MTA3: variants seen among roughly 807,000 people sequenced by gnomAD.
MTA3 encodes metastasis associated 1 family member 3, also known as metastasis-associated protein MTA3.
In MTA3, 34 loss-of-function variants were observed where a neutral mutation model predicts 83.5. The observed-to-expected ratio is 0.41, with a 90% CI of 0.31 to 0.54. The LOEUF (loss-of-function observed/expected upper bound fraction) is 0.54. Among genes scored for constraint, MTA3 ranks in the 20% least tolerant of loss-of-function variants. The probability of loss-of-function intolerance (pLI) is 0.33; values close to 1 mark genes in which losing one functional copy is unlikely to be tolerated. For missense variants in MTA3, 761 were observed against 726.4 expected (o/e 1.05, Z -0.55); for synonymous variants, 303 against 252.7 (o/e 1.20, Z -1.89).
intron 16 of MTA3, among the ~76,000 whole-genome samples, chr2:42,739,812 G>A (rs1668891938): frequency 6.6e-6 from 1 of 152,210 alleles, no homozygotes; most frequent in Non-Finnish European, 1.5e-5. Flanking sequence ...GTGTTCAGGA[G>A]TAGTTTCCAT....
chr2:42,515,901 T>C (rs1365208985), intron 2 of MTA3, among the ~76,000 whole-genome samples: 6 of 150,940 alleles, frequency 4.0e-5, no homozygotes, highest in Non-Finnish European at 5.9e-5. Context: ...AGTGCAGTGG[T>C]GCGATCTCGG....
chr2:42,598,842 C>T (rs1682175164), intron 3 of MTA3, among the ~76,000 whole-genome samples: 1 of 152,092 alleles, frequency 6.6e-6, no homozygotes, highest in Non-Finnish European at 1.5e-5. Context: ...GACTGGGCCC[C>T]CTGGAGGACT....
chr2:42,545,412 C>G (rs959592588), intron 2 of MTA3, among the ~76,000 whole-genome samples: 1 of 151,868 alleles, frequency 6.6e-6, no homozygotes, highest in African/African-American at 2.4e-5. Context: ...AAAAAGGAAC[C>G]TAAGAAAACA....
rs963501766 is a variant in MTA3 at position 42,700,866 on chromosome 2, T to C, written c.1025+3032T>C. Among the ~76,000 whole-genome samples the C allele has an allele frequency of 2.6e-5, 4 of 152,292 alleles. No homozygotes were observed. The East Asian group carries it at 5.8e-4, about 22-fold the overall frequency. On this transcript the variant is annotated intron_variant, in intron 11 of 16. Coordinates refer to ENST00000405094, the MANE Select transcript of MTA3 (RefSeq NM_001330442.2). ...CTGTAATCCCAGCAACTTGGGAAGC[T>C]GAGGCAGGAAGACTGCTTGAAGCCA...
At chr2:42,519,741 A>G (rs1675326687) in intron 2 of MTA3, among the ~76,000 whole-genome samples, 1 of 152,154 alleles carries the variant, frequency 6.6e-6, no homozygotes, top group African/African-American at 2.4e-5. Context: ...ATCTGTACAA[A>G]TAAAAATTCT....
At chr2:42,533,031 T>C in intron 2 of MTA3, 1 of 189,276 alleles carries the variant, frequency 5.3e-6, no homozygotes. Context: ...AACAGCATGC[T>C]GGGTGGCATT....
Position 42,722,810 on chromosome 2 carries a change from T to G in MTA3, c.1613-79T>G, listed in dbSNP as rs1667522697. ...TCTCAGCTCATTAAGAAATAAGATG[T>G]GTGCCTATTAGCCAATGTAAATGCA... On this transcript the variant is annotated intron_variant, in intron 15 of 16. Transcript: ENST00000405094. The G allele has an allele frequency of 4.8e-6, 7 of 1,472,848 alleles. No individual in the cohort carries two copies. The Admixed American group carries it at 6.2e-5, about 13-fold the overall frequency. 91.2% of individuals were successfully genotyped at this position (1,472,848 alleles called of 1,614,324 possible).
chr2:42,722,379 C>T (rs911222291), intron 15 of MTA3, among the ~76,000 whole-genome samples: 3 of 152,154 alleles, frequency 2.0e-5, no homozygotes, highest in Admixed American at 1.3e-4. Flanking sequence ...TCATCTATAT[C>T]AAAATGTTCT....
At chr2:42,535,065 C>T (rs1676159869) in intron 2 of MTA3, among the ~76,000 whole-genome samples, 2 of 151,922 alleles carry the variant, frequency 1.3e-5, no homozygotes, top group Admixed American at 1.3e-4. Flanking sequence ...ATATTTCAAG[C>T]AGTAGAAAGG....
intron 4 of MTA3, chr2:42,614,140 C>G (rs893863253): frequency 1.3e-5 from 2 of 152,128 alleles, no homozygotes; most frequent in Non-Finnish European, 2.9e-5. Context: ...TCTTGCTGCC[C>G]AGACTGGAGT....
intron 2 of MTA3, among the ~76,000 whole-genome samples, chr2:42,545,688 G>A (rs1291848389): frequency 6.6e-6 from 1 of 152,172 alleles, no homozygotes; most frequent in Non-Finnish European, 1.5e-5. Flanking sequence ...TTTCAAGAGG[G>A]TTTAAAGTTG....
chr2:42,524,339 T>C (rs1461429492), intron 2 of MTA3, among the ~76,000 whole-genome samples: 1 of 151,832 alleles, frequency 6.6e-6, no homozygotes, highest in Non-Finnish European at 1.5e-5. Flanking sequence ...CTCACCCTGT[T>C]GCCTGGGCTG....
At chr2:42,568,864 G>A (rs1319583070) in intron 1 of MTA3, 91 bp downstream of exon 1, 2 of 1,171,074 alleles carry the variant, frequency 1.7e-6, no homozygotes, top group African/African-American at 1.6e-5. Flanking sequence ...CGGGAGCCAA[G>A]GGCGCCGGGG....
In MTA3 at chr2:42,605,235, C is replaced by A. The variant is rs1391530051; in HGVS notation, c.191-4223C>A. 1.9e-3 allele frequency among the ~76,000 whole-genome samples: 244 copies of A among 127,938 alleles called. 1 individual carries two copies. The highest frequency in any genetic ancestry group is 7.1e-3 in the African/African-American group (238 of 33,746). 83.9% of individuals were successfully genotyped at this position (127,938 alleles called of 152,430 possible). ...GGGGCTGACCCCCCCCACCTCCCTC[C>A]CGGACGGGGCGGCTGGCCGGGCGGG... On this transcript the variant is annotated intron_variant, in intron 3 of 16. Transcript: ENST00000405094.
At chr2:42,656,726 G>T (rs1025621183) in intron 7 of MTA3, among the ~76,000 whole-genome samples, 1 of 152,216 alleles carries the variant, frequency 6.6e-6, no homozygotes, top group African/African-American at 2.4e-5. Context: ...ACTTTGCCTT[G>T]AGAGCTTTCA....
chr2:42,676,308 C>T (rs1691347023), intron 8 of MTA3, among the ~76,000 whole-genome samples: 1 of 152,182 alleles, frequency 6.6e-6, no homozygotes, highest in Non-Finnish European at 1.5e-5. Context: ...CTTTAGGTAA[C>T]AGCCCATCAT....
intron 11 of MTA3, among the ~76,000 whole-genome samples, chr2:42,698,798 A>G (rs1008638089): frequency 6.6e-6 from 1 of 152,202 alleles, no homozygotes; most frequent in Non-Finnish European, 1.5e-5. Flanking sequence ...CTTTTACCAC[A>G]AGACAGATAA....
chr2:42,548,109 A>G (rs974363542), intron 2 of MTA3, among the ~76,000 whole-genome samples: 3 of 152,330 alleles, frequency 2.0e-5, no homozygotes, highest in Middle Eastern at 3.4e-3. Context: ...CCGTGACATT[A>G]CAATCATCCC....
At chr2:42,708,735 A>T (rs1666329029) in intron 13 of MTA3, 139 bp from the exon 14 acceptor site, 6 of 845,628 alleles carry the variant, frequency 7.1e-6, no homozygotes, top group Admixed American at 6.8e-5. Flanking sequence ...TCTCTCTTTT[A>T]GAGGTAGTGC....
Sources: gnomAD v4.1 joint callset for allele counts (sites outside exome capture counted in the v4.1 genomes callset) on GRCh38, gnomAD v4.1.1 for gene constraint, MANE v1.5 for transcripts, NCBI Gene and HGNC (gene_info 2026-07-23, HGNC 2026-07-21) for gene names.